Variants in C6orf132 observed in about 807,000 individuals in gnomAD.
C6orf132 encodes the protein chromosome 6 open reading frame 132, also known as uncharacterized protein C6orf132.
Under a neutral mutation model 65.3 loss-of-function variants are expected in C6orf132, and 43 were observed. The ratio of observed to expected loss-of-function variants is 0.66; its 90% CI spans 0.52 to 0.85. C6orf132 has a LOEUF of 0.85. Ranked by LOEUF, C6orf132 falls within the 40% of genes least tolerant of loss-of-function variation. The pLI is 0.00. For synonymous variants in C6orf132, 631 were observed against 654.1 expected (o/e 0.96, Z 0.54); for missense variants, 1,488 against 1,548.8 (o/e 0.96, Z 0.66).
chr6:42,131,544 C>A (rs1303657488), intron 1 of C6orf132, among the ~76,000 whole-genome samples: 4 of 152,230 alleles, frequency 2.6e-5, no homozygotes, highest in Admixed American at 6.5e-5. Context: ...CATACATACA[C>A]CCCTAAAGGG....
At chr6:42,134,893 C>T (rs1339624467) in intron 1 of C6orf132, among the ~76,000 whole-genome samples, 1 of 151,566 alleles carries the variant, frequency 6.6e-6, no homozygotes, top group East Asian at 1.9e-4. Context: ...TCAGGATACT[C>T]GGGAGGCTGA....
At chr6:42,140,620 T>C (rs1329065563) in intron 1 of C6orf132, among the ~76,000 whole-genome samples, 1 of 152,214 alleles carries the variant, frequency 6.6e-6, no homozygotes, top group African/African-American at 2.4e-5. Flanking sequence ...TCTGTGTAAA[T>C]GGTCTACTAA....
At chr6:42,111,518 G>A (rs1313111054) in intron 2 of C6orf132, among the ~76,000 whole-genome samples, 6 of 151,996 alleles carry the variant, frequency 3.9e-5, no homozygotes, top group African/African-American at 9.7e-5. Flanking sequence ...TCCTGACCTC[G>A]TGATCTGCCC....
At position 42,104,965 on chromosome 6, in the gene C6orf132, A is replaced by G. The variant is rs1388922109; in HGVS notation, c.2947T>C (p.Phe983Leu). ...KREEEEEEFN[F>L]EVIPPPPEFS... ...TCTGGCGGCGGTGGGATGACCTCGA[A>G]GTTGAACTCCTCCTCCTCCTCCTCC... The change falls in exon 4 of 5, where the codon TTC becomes CTC. Residue 983 changes from phenylalanine (F) to leucine (L), a missense_variant. Phe to Leu is a conservative substitution (Grantham distance 22). Transcript: ENST00000341865. This position sits in a 1 kb window ranked among gnomAD's most constrained non-coding sequence, Gnocchi z 4.1. 3.3e-6 allele frequency: 5 copies of G among 1,493,964 alleles called. No individual in the cohort carries two copies. Among genetic ancestry groups the G allele is most frequent in the African/African-American group, 1.4e-5 (1 of 71,328 alleles). The allele number at this position is 1,493,964 out of a possible 1,614,324, so 92.5% of individuals were successfully genotyped here.
intron 2 of C6orf132, among the ~76,000 whole-genome samples, chr6:42,121,002 G>A (rs1183235276): frequency 6.6e-6 from 1 of 152,158 alleles, no homozygotes; most frequent in African/African-American, 2.4e-5. Context: ...AATCTTAACT[G>A]ACTTATCTAA....
intron 2 of C6orf132, among the ~76,000 whole-genome samples, chr6:42,112,681 T>A (rs1033239502): frequency 1.6e-4 from 25 of 152,218 alleles, no homozygotes; most frequent in Non-Finnish European, 2.9e-5. Context: ...CACTCCAGAT[T>A]GTCCTCTAGT....
At chr6:42,122,504 T>A (rs1001204959) in intron 2 of C6orf132, among the ~76,000 whole-genome samples, 1 of 152,190 alleles carries the variant, frequency 6.6e-6, no homozygotes, top group Non-Finnish European at 1.5e-5. Flanking sequence ...CTGAGGTCCT[T>A]ACTGAGAGGG....
At chr6:42,133,714 A>C (rs570858957) in intron 1 of C6orf132, among the ~76,000 whole-genome samples, 76 of 151,972 alleles carry the variant, frequency 5.0e-4, no homozygotes, top group Middle Eastern at 3.4e-3. Context: ...CTGATCTTTA[A>C]ATGAACCAAA....
At chr6:42,130,673 C>T (rs1224871949) in intron 1 of C6orf132, among the ~76,000 whole-genome samples, 10 of 152,052 alleles carry the variant, frequency 6.6e-5, no homozygotes, top group African/African-American at 2.4e-4. Context: ...TTATTGGGTG[C>T]CTAGGAGCTT....
chr6:42,128,217 A>G (rs1766796603), intron 2 of C6orf132, among the ~76,000 whole-genome samples: 1 of 151,976 alleles, frequency 6.6e-6, no homozygotes, highest in Non-Finnish European at 1.5e-5. Flanking sequence ...GAGCCACCGC[A>G]CTGGCCACAA....
intron 2 of C6orf132, among the ~76,000 whole-genome samples, chr6:42,110,748 T>A (rs1199409777): frequency 6.6e-6 from 1 of 152,218 alleles, no homozygotes; most frequent in African/African-American, 2.4e-5. Context: ...AAAAGACACT[T>A]GTTTTTGTAT....
chr6:42,107,104 C>T lies in C6orf132; in HGVS notation c.808G>A (p.Glu270Lys), dbSNP rs1333828713. 1.4e-6 allele frequency: 2 copies of T among 1,456,520 alleles called. No individual in the cohort carries two copies. The highest frequency in any genetic ancestry group is 1.8e-6 in the Non-Finnish European group (2 of 1,108,226). 90.2% of individuals were successfully genotyped at this position (1,456,520 alleles called of 1,614,324 possible). A position where few individuals can be genotyped will look rare whatever the true frequency, so the allele number is the denominator to read the frequency against. ...CTCGGGGGGCTGGCTCTGGTGGCCT[C>T]TGCCTGCCTGCCATTCAGTGCTACA... Reference protein sequence around the residue: ...SDVALNGRQAEATRASPPRSP... With the variant: ...SDVALNGRQAKATRASPPRSP... Residue 270 changes from glutamate to lysine, a missense_variant, in exon 4 of 5, where the codon GAG becomes AAG. Coordinates refer to ENST00000341865, the MANE Select transcript of C6orf132 (RefSeq NM_001164446.3).
Position 42,110,196 on chromosome 6 carries a change from C to T in C6orf132, c.328+20G>A, listed in dbSNP as rs1318609310. ...GGAGGAAAGAAAGATGGACAAGCCC[C>T]AAGCCCAGGGTTCACTTACCTGTCA... On this transcript the variant is annotated intron_variant, in intron 3 of 4. Coordinates refer to ENST00000341865, the MANE Select transcript of C6orf132 (RefSeq NM_001164446.3). 1.9e-6 allele frequency: 3 copies of T among 1,542,248 alleles called. No homozygotes were observed. The highest frequency in any genetic ancestry group is 2.4e-5 in the South Asian group (2 of 82,860).
chr6:42,121,310 G>A (rs1164456939), intron 2 of C6orf132, among the ~76,000 whole-genome samples: 1 of 152,240 alleles, frequency 6.6e-6, no homozygotes, highest in Non-Finnish European at 1.5e-5. Context: ...TCAGGGACAG[G>A]TCACCAGGAA....
chr6:42,107,519 T>A lies in C6orf132; in HGVS notation c.393A>T (p.Gly131=). 2 of 1,549,962 alleles carry A rather than the reference T, an allele frequency of 1.3e-6. No individual in the cohort carries two copies. Among genetic ancestry groups the A allele is most frequent in the Non-Finnish European group, 1.7e-6 (2 of 1,146,212 alleles). The change falls in exon 4 of 5, where the codon GGA becomes GGT. Residue 131 remains glycine, a synonymous_variant. Coordinates refer to ENST00000341865, the MANE Select transcript of C6orf132 (RefSeq NM_001164446.3). Reference sequence around the variant, plus strand: ...GGATGAGTAGATCCTGGCCATATTGTCCAGGCCTCAGGTCACCCACAGAGC... The same window carrying A: ...GGATGAGTAGATCCTGGCCATATTGACCAGGCCTCAGGTCACCCACAGAGC... The part of the protein sequence containing the change: ...LYSSVGDLRP[G]QYGQDLLIPP...
chr6:42,128,462 C>T (rs1766800163), intron 2 of C6orf132, among the ~76,000 whole-genome samples: 1 of 152,090 alleles, frequency 6.6e-6, no homozygotes, highest in South Asian at 2.1e-4. Context: ...TCTCCTTGGG[C>T]TTGGCCCTGA....
chr6:42,107,651 C>T (rs1748470584), intron 3 of C6orf132, 68 bp from the exon 4 acceptor site: 2 of 1,543,448 alleles, frequency 1.3e-6, no homozygotes, highest in Non-Finnish European at 8.8e-7. Flanking sequence ...TTTCTGTTTA[C>T]CCAGGGCAGG....
chr6:42,125,140 G>C (rs1766744854), intron 2 of C6orf132, among the ~76,000 whole-genome samples: 1 of 152,170 alleles, frequency 6.6e-6, no homozygotes, highest in African/African-American at 2.4e-5. Flanking sequence ...GCAGGCAAGG[G>C]AGGTGGGAGT....
chr6:42,137,290 T>G (rs191148289), intron 1 of C6orf132, among the ~76,000 whole-genome samples: 59 of 151,892 alleles, frequency 3.9e-4, no homozygotes, highest in African/African-American at 1.3e-3. Flanking sequence ...CTTTCTGGAG[T>G]TGAACTAGAG....
Sources: gnomAD v4.1 joint callset for allele counts (sites outside exome capture counted in the v4.1 genomes callset) on GRCh38, gnomAD v4.1.1 for gene constraint, Gnocchi (gnomAD v3.1) non-coding constraint, MANE v1.5 for transcripts, NCBI Gene and HGNC (gene_info 2026-07-23, HGNC 2026-07-21) for gene names.